PIGS: variants seen among roughly 807,000 people sequenced by gnomAD.
PIGS encodes the protein phosphatidylinositol glycan anchor biosynthesis class S, also known as GPI-anchor transamidase component PIGS.
PIGS carries 37 observed loss-of-function variants against 58.2 expected under a neutral mutation model. The observed-to-expected ratio is 0.64, with a 90% confidence interval of 0.49 to 0.84. The LOEUF is 0.84. PIGS is among the 40% of genes least tolerant of loss of function. PIGS has a pLI of 0.00. For missense variants in PIGS, 629 were observed against 710.8 expected (o/e 0.88, Z 1.31); for synonymous variants, 269 against 289.2 (o/e 0.93, Z 0.71).
intron 3 of PIGS, among the ~76,000 whole-genome samples, chr17:28,566,743 A>ACCACCACACCCAG (rs1307977926): frequency 6.6e-6 from 1 of 150,764 alleles, no homozygotes; most frequent in African/African-American, 2.4e-5. Flanking sequence ...ACAGGCACAC[A>ACCACCACACCCAG]CCACCACACC....
chr17:28,560,655 G>A (rs1239651481), intron 6 of PIGS, among the ~76,000 whole-genome samples: 3 of 152,088 alleles, frequency 2.0e-5, no homozygotes, highest in African/African-American at 4.8e-5. Context: ...GTGGGCGCCT[G>A]TAATCCCAAC....
chr17:28,555,145 G>A, intron 10 of PIGS, 84 bp from the exon 11 acceptor site: 3 of 1,300,742 alleles, frequency 2.3e-6, no homozygotes, highest in Middle Eastern at 1.9e-4. Context: ...TATCTGTCCT[G>A]AGCCAGTGAT....
In PIGS at chr17:28,556,222, T is replaced by G. The variant is rs1331353964; in HGVS notation, c.1125A>C (p.Pro375=). 1 of 1,614,026 alleles carries G rather than the reference T, an allele frequency of 6.2e-7. No individual in the cohort carries two copies. The highest frequency in any genetic ancestry group is 8.5e-7 in the Non-Finnish European group (1 of 1,179,902). The change falls in exon 10 of 12, where the codon CCA becomes CCC. Residue 375 remains proline (P), a synonymous_variant. Transcript: ENST00000308360. ...DSKTYNASVL[P]VRVEVDMVRV... ...GCACCATGTCCACCTCGACTCTCACTGGCAGCACTGAGGCATTATAGGTTT... is the reference window on the plus strand; with the variant it reads ...GCACCATGTCCACCTCGACTCTCACGGGCAGCACTGAGGCATTATAGGTTT...
intron 3 of PIGS, among the ~76,000 whole-genome samples, chr17:28,566,818 T>G (rs2070397318): frequency 1.3e-5 from 2 of 150,756 alleles, no homozygotes; most frequent in South Asian, 4.2e-4. Flanking sequence ...GGTCTGAAAC[T>G]CCTGACCTCA....
At chr17:28,565,963 G>A (rs1413793564) in intron 3 of PIGS, among the ~76,000 whole-genome samples, 3 of 152,050 alleles carry the variant, frequency 2.0e-5, no homozygotes, top group Admixed American at 1.3e-4. Flanking sequence ...CCCGGGAGGC[G>A]GACGATGCAG....
chr17:28,559,338 C>T (rs1299034505), intron 7 of PIGS, among the ~76,000 whole-genome samples: 2 of 151,684 alleles, frequency 1.3e-5, no homozygotes, highest in African/African-American at 2.4e-5. Context: ...AAACTAAATT[C>T]CTTAAGAATG....
chr17:28,563,778 G>C lies in PIGS; in HGVS notation c.376+40C>G, dbSNP rs554353206. On this transcript the variant is annotated intron_variant, in intron 4 of 11. Coordinates refer to ENST00000308360, the MANE Select transcript of PIGS (RefSeq NM_033198.4). ...CACTTAGAGATCAGAAGGAAAAAGA[G>C]GGCTTCACATTAAAATGGTGTGCTC... 3.3e-5 allele frequency: 51 copies of C among 1,557,412 alleles called. No homozygotes were observed. In the South Asian group the frequency reaches 5.3e-4, roughly 16 times the overall value.
chr17:28,556,332 T>A, intron 9 of PIGS, 66 bp from the exon 10 acceptor site: 1 of 1,238,840 alleles, frequency 8.1e-7, no homozygotes, highest in Non-Finnish European at 1.2e-6. Context: ...CCCTAGGCAC[T>A]CTGGAGAGAA....
intron 8 of PIGS, chr17:28,557,277 T>C (rs548145197): frequency 6.0e-5 from 20 of 332,596 alleles, no homozygotes; most frequent in South Asian, 6.7e-5. Flanking sequence ...TTACTACAGA[T>C]AGTTTTATGC....
chr17:28,570,631 T>A (rs2070421284), intron 3 of PIGS, among the ~76,000 whole-genome samples: 1 of 152,250 alleles, frequency 6.6e-6, no homozygotes, highest in East Asian at 1.9e-4. Flanking sequence ...CTGATGGGCA[T>A]CAACTGCTTC....
rs766479894 is a variant in PIGS, at chr17:28,558,457, C to T, written c.934+19G>A. 21 of 1,583,558 alleles carry T rather than the reference C, an allele frequency of 1.3e-5. No individual in the cohort carries two copies. In the East Asian group the frequency reaches 4.5e-4, roughly 34 times the overall value. ...CCTAGCCTGGCAGAAAAGAAAGACC[C>T]TCATCCTTAGGTGCTCACCCAGCCG... On this transcript the variant is annotated intron_variant, in intron 8 of 11. Coordinates refer to ENST00000308360, the MANE Select transcript of PIGS (RefSeq NM_033198.4).
chr17:28,554,175 C>T lies in PIGS; in HGVS notation c.*45G>A. 3 of 1,602,128 alleles carry T rather than the reference C, an allele frequency of 1.9e-6. No individual in the cohort carries two copies. The South Asian group carries it at 3.3e-5, about 18-fold the overall frequency. ...ACGTGCCTCACAATCTAACACCGCC[C>T]ACCTTGGCCAGAAAGGAAGGCTTCC... On this transcript the variant is annotated 3_prime_UTR_variant, in exon 12 of 12. Transcript: ENST00000308360.
intron 3 of PIGS, among the ~76,000 whole-genome samples, chr17:28,568,378 C>T (rs926972725): frequency 3.5e-4 from 54 of 152,200 alleles, no homozygotes; most frequent in African/African-American, 1.1e-3. Context: ...GCTGGGATTA[C>T]AGGTGTGAGC....
intron 3 of PIGS, among the ~76,000 whole-genome samples, chr17:28,565,375 A>G (rs555944963): frequency 1.4e-4 from 21 of 152,340 alleles, no homozygotes; most frequent in Non-Finnish European, 2.9e-4. Flanking sequence ...CAAGGCCCCT[A>G]GATGAATATT....
intron 6 of PIGS, 141 bp downstream of exon 6, chr17:28,561,277 ATAAT>A (rs1224501426): frequency 1.7e-5 from 7 of 408,506 alleles, no homozygotes; most frequent in Non-Finnish European, 2.6e-5. Context: ...ACTAAAAAAA[ATAAT>A]AATAATAATA....
At chr17:28,571,337 A>G (rs1360807437) in intron 1 of PIGS, 126 bp downstream of exon 1, 5 of 1,516,674 alleles carry the variant, frequency 3.3e-6, no homozygotes, top group Non-Finnish European at 3.6e-6. Context: ...GCCTGAAGGG[A>G]ATCTCGTCTG....
intron 6 of PIGS, 120 bp from the exon 7 acceptor site, chr17:28,560,311 G>C (rs1295912512): frequency 8.0e-6 from 10 of 1,251,624 alleles, no homozygotes; most frequent in Non-Finnish European, 1.1e-5. Context: ...TTCCATCATG[G>C]AACCAAAAGG....
chr17:28,557,759 C>T (rs1489313299), intron 8 of PIGS, among the ~76,000 whole-genome samples: 2 of 152,182 alleles, frequency 1.3e-5, no homozygotes, highest in South Asian at 2.1e-4. Context: ...AGTTTCCACC[C>T]GAAAAATGAA....
intron 7 of PIGS, among the ~76,000 whole-genome samples, chr17:28,559,152 A>G (rs996682542): frequency 6.6e-6 from 1 of 151,540 alleles, no homozygotes; most frequent in African/African-American, 2.4e-5. Flanking sequence ...GCTAATTTTT[A>G]TCTTTGTAGA....
Sources: allele counts gnomAD v4.1 joint callset (sites outside exome capture counted in the v4.1 genomes callset), GRCh38; gene constraint gnomAD v4.1.1; transcripts MANE v1.5; gene names NCBI Gene and HGNC (gene_info 2026-07-23, HGNC 2026-07-21).